Variants in NCKIPSD observed in about 807,000 individuals in gnomAD.
The protein encoded by NCKIPSD is NCK interacting protein with SH3 domain, also known as NCK-interacting protein with SH3 domain.
NCKIPSD carries 48 observed loss-of-function variants against 73.4 expected under a neutral mutation model. That is an observed-to-expected ratio of 0.65 (90% confidence interval 0.52 to 0.83). The LOEUF (loss-of-function observed/expected upper bound fraction) is 0.83. Among genes scored for constraint, NCKIPSD ranks in the 40% least tolerant of loss-of-function variants. NCKIPSD has a pLI of 0.00. For missense variants in NCKIPSD, 884 were observed against 970.2 expected (o/e 0.91, Z 1.18); for synonymous variants, 422 against 403.6 (o/e 1.05, Z -0.54).
intron 1 of NCKIPSD, among the ~76,000 whole-genome samples, chr3:48,683,859 G>A (rs2077392427): frequency 6.6e-6 from 1 of 152,124 alleles, no homozygotes. Context: ...TCCACCATGG[G>A]TTTGAGAAGC....
In NCKIPSD at chr3:48,685,837, T is replaced by G. The variant is rs1308382523; in HGVS notation, c.-30A>C. ...CCGGGCAGGGCAGGTGCAGGGAAGG[T>G]GGCAAGGGCTGCGGCGCCACAACGC... On this transcript the variant is annotated 5_prime_UTR_variant, in exon 1 of 13. Coordinates refer to ENST00000294129, the MANE Select transcript of NCKIPSD (RefSeq NM_016453.4). 7.2e-7 allele frequency: 1 copy of G among 1,390,426 alleles called. No homozygotes were observed. The highest frequency in any genetic ancestry group is 1.5e-5 in the African/African-American group (1 of 66,522). The allele number at this position is 1,390,426 out of a possible 1,614,324, so 86.1% of individuals were successfully genotyped here.
In NCKIPSD at chr3:48,682,047, C is replaced by T. The variant is rs2077362103; in HGVS notation, c.596G>A (p.Ser199Asn). The change falls in exon 4 of 13, where the codon AGT (serine) becomes AAT (asparagine). Residue 199 changes from serine (S) to asparagine (N), a missense_variant and splice_region_variant. Physicochemically the swap from Ser to Asn is conservative, Grantham distance 46 (BLOSUM62 1). Transcript: ENST00000294129. ...TTCCCCTAACCCTGCCTTCTTACCACTCCCAGAGGCCATCAGGGCCTCGCG... is the reference window on the plus strand; with the variant it reads ...TTCCCCTAACCCTGCCTTCTTACCATTCCCAGAGGCCATCAGGGCCTCGCG... The part of the protein sequence containing the change: ...RDREALMASG[S>N]GGHNTMPSGG... 1.9e-6 allele frequency: 3 copies of T among 1,600,718 alleles called. No homozygotes were observed. The highest frequency in any genetic ancestry group is 1.7e-6 in the Non-Finnish European group (2 of 1,179,764).
rs1408337079 is a variant in NCKIPSD, at chr3:48,679,054, C to T, written c.1699+1G>A. ...CACCGCCCAGCCAGGCCCCACCCCA[C>T]CTGGCAGGTGCAGGTTGAGAGCCAG... On this transcript the variant is annotated splice_donor_variant, in intron 10 of 12. Coordinates refer to ENST00000294129, the MANE Select transcript of NCKIPSD (RefSeq NM_016453.4). LOFTEE classifies it high-confidence loss of function. The T allele has an allele frequency of 1.2e-6, 2 of 1,614,074 alleles. No individual in the cohort carries two copies. Among genetic ancestry groups the T allele is most frequent in the African/African-American group, 2.7e-5 (2 of 74,918 alleles).
intron 6 of NCKIPSD, 42 bp downstream of exon 6, chr3:48,680,017 C>T (rs745482996): frequency 3.7e-6 from 6 of 1,602,670 alleles, no homozygotes; most frequent in Non-Finnish European, 5.1e-6. Context: ...GTGGGGGCCA[C>T]TGTTCCCCAT....
At position 48,681,705 on chromosome 3, in the gene NCKIPSD, G is replaced by A. The variant is rs754519346; in HGVS notation, c.674C>T (p.Thr225Met). Residue 225 changes from threonine (T) to methionine (M), a missense_variant, in exon 5 of 13, where the codon ACG becomes ATG. Transcript: ENST00000294129. Reference protein sequence around the residue: ...GSSVSSTSLDTLYTSSSPSEP... With the variant: ...GSSVSSTSLDMLYTSSSPSEP... ...AGATGGGCTGGAGCTGGTATAGAGC[G>A]TGTCCAGGGAGGTGCTGCTGACTGA... is the stretch of plus-strand genomic sequence containing the variant. 8.3e-6 allele frequency: 13 copies of A among 1,571,804 alleles called. No homozygotes were observed. Among genetic ancestry groups the A allele is most frequent in the African/African-American group, 5.4e-5 (4 of 74,200 alleles).
At chr3:48,683,766 C>T (rs933433910) in intron 1 of NCKIPSD, among the ~76,000 whole-genome samples, 1 of 152,046 alleles carries the variant, frequency 6.6e-6, no homozygotes, top group Non-Finnish European at 1.5e-5. Flanking sequence ...AGCTATCAAA[C>T]CAGCTACCCC....
Position 48,685,815 on chromosome 3 carries a change from GGCAGGGCAGGT to G in NCKIPSD, c.-19_-9del. ...GTACAGCGCGCGGTACATGAGGCCG[GGCAGGGCAGGT>G]GCAGGGAAGGTGGCAAGGGCTGCGG... is the stretch of plus-strand genomic sequence containing the variant. On this transcript the variant is annotated 5_prime_UTR_variant, in exon 1 of 13. Transcript: ENST00000294129. The G allele has an allele frequency of 4.1e-6, 6 of 1,470,234 alleles. No homozygotes were observed. Among genetic ancestry groups the G allele is most frequent in the Non-Finnish European group, 5.4e-6 (6 of 1,119,052 alleles). The allele number at this position is 1,470,234 out of a possible 1,614,324, so 91.1% of individuals were successfully genotyped here. A position where few individuals can be genotyped will look rare whatever the true frequency, so the allele number is the denominator to read the frequency against.
rs1251189095 is a variant in NCKIPSD, at chr3:48,682,350, G to A, written c.484C>T (p.Gln162Ter). The A allele has an allele frequency of 6.2e-7, 1 of 1,613,940 alleles. No individual in the cohort carries two copies. The highest frequency in any genetic ancestry group is 1.3e-5 in the African/African-American group (1 of 75,024). Residue 162 changes from glutamine to a stop codon, truncating the protein, a stop_gained and splice_region_variant, in exon 3 of 13, where the codon CAG becomes TAG. Transcript: ENST00000294129. LOFTEE classifies it high-confidence loss of function. ...EHLGADGGLY[Q>*]IPLPSSQIPP... ...TCCACGATGTCCTCCCCACACACCT[G>A]GTAGAGGCCTCCATCTGCCCCAAGA...
In NCKIPSD at chr3:48,682,377, G is replaced by A. The variant is rs761151956; in HGVS notation, c.457C>T (p.His153Tyr). The A allele has an allele frequency of 6.2e-7, 1 of 1,614,056 alleles. No homozygotes were observed. The highest frequency in any genetic ancestry group is 1.7e-5 in the Admixed American group (1 of 60,006). The change falls in exon 3 of 13, where the codon CAT (histidine) becomes TAT (tyrosine). Residue 153 changes from histidine (H) to tyrosine (Y), a missense_variant. By Grantham distance (83) the His-to-Tyr change is moderately conservative. Coordinates refer to ENST00000294129, the MANE Select transcript of NCKIPSD (RefSeq NM_016453.4). ...TAGAGGCCTCCATCTGCCCCAAGAT[G>A]CTCAGAACTGGGTAGGCTGTGCTGC... Reference protein sequence around the residue: ...ERQHSLPSSEHLGADGGLYQI... With the variant: ...ERQHSLPSSEYLGADGGLYQI...
chr3:48,677,501 A>G (rs2077273923), intron 12 of NCKIPSD, among the ~76,000 whole-genome samples: 1 of 152,084 alleles, frequency 6.6e-6, no homozygotes, highest in African/African-American at 2.4e-5. Flanking sequence ...AAAATTCACA[A>G]GAGTTGTCTC....
At chr3:48,682,807 G>C (rs555052784) in intron 2 of NCKIPSD, 96 bp downstream of exon 2, 12 of 1,476,270 alleles carry the variant, frequency 8.1e-6, no homozygotes, top group Non-Finnish European at 1.1e-5. Flanking sequence ...GCCAACCCTC[G>C]CATTTCCCAG....
At chr3:48,681,090 G>A in intron 5 of NCKIPSD, 197 bp downstream of exon 5, 1 of 803,722 alleles carries the variant, frequency 1.2e-6, no homozygotes, top group Non-Finnish European at 1.9e-6. Flanking sequence ...TGTGGCCCTT[G>A]TCCAGGCTGC....
At chr3:48,682,660 C>A (rs1474954203) in intron 2 of NCKIPSD, 108 bp from the exon 3 acceptor site, 1 of 1,283,082 alleles carries the variant, frequency 7.8e-7, no homozygotes, top group African/African-American at 1.5e-5. Flanking sequence ...CTCAGACATC[C>A]CCATCTCCTC....
rs756382738 is a variant in NCKIPSD, at chr3:48,681,455, C to A, written c.924G>T (p.Val308=). 1.2e-6 allele frequency: 2 copies of A among 1,614,140 alleles called. No homozygotes were observed. The highest frequency in any genetic ancestry group is 2.2e-5 in the South Asian group (2 of 91,086). The change falls in exon 5 of 13, where the codon GTG becomes GTT. Residue 308 remains valine, a synonymous_variant. Transcript: ENST00000294129. ...TCAGCTCGGCCCCAATGGTCCTGGG[C>A]ACAGCCGCCTCAGCTGCTGCCTTCT... ...TEEKAAAEAA[V]PRTIGAELME...
rs1352329906 is a variant in NCKIPSD at position 48,674,581 on chromosome 3, C to A, written c.2132G>T (p.Cys711Phe). ...QMDRMIVREMCKEFLVLGEAP... is the reference protein window; with the variant it reads ...QMDRMIVREMFKEFLVLGEAP... Reference sequence around the variant, plus strand: ...CTCCCCCAGCACCAGGAATTCCTTGCACATCTCTCGGACAATCATGCGGTC... The same window carrying A: ...CTCCCCCAGCACCAGGAATTCCTTGAACATCTCTCGGACAATCATGCGGTC... Residue 711 changes from cysteine (C) to phenylalanine (F), a missense_variant, in exon 13 of 13, where the codon TGC (cysteine) becomes TTC (phenylalanine). Transcript: ENST00000294129. 5.0e-6 allele frequency: 8 copies of A among 1,605,680 alleles called. No individual in the cohort carries two copies. The highest frequency in any genetic ancestry group is 6.8e-6 in the Non-Finnish European group (8 of 1,175,756).
chr3:48,677,991 ACT>A (rs1403368459), intron 12 of NCKIPSD, among the ~76,000 whole-genome samples: 2 of 151,552 alleles, frequency 1.3e-5, no homozygotes, highest in South Asian at 2.1e-4. Context: ...TCAAAACACG[ACT>A]CTCTATTTTC....
rs1249810340 is a variant in NCKIPSD at position 48,681,666 on chromosome 3, C to T, written c.713G>A (p.Ser238Asn). 2 of 1,606,016 alleles carry T rather than the reference C, an allele frequency of 1.2e-6. No homozygotes were observed. Among genetic ancestry groups the T allele is most frequent in the South Asian group, 2.2e-5 (2 of 89,646 alleles). The change falls in exon 5 of 13, where the codon AGC (serine) becomes AAC (asparagine). Residue 238 changes from serine (S) to asparagine (N), a missense_variant. Coordinates refer to ENST00000294129, the MANE Select transcript of NCKIPSD (RefSeq NM_016453.4). Reference sequence around the variant, plus strand: ...CACAGGTGGGGGTGTGGGTGAGCAGCTGGAGCCTGGTTCAGATGGGCTGGA... The same window carrying T: ...CACAGGTGGGGGTGTGGGTGAGCAGTTGGAGCCTGGTTCAGATGGGCTGGA... ...TSSSPSEPGS[S>N]CSPTPPPVPR...
intron 12 of NCKIPSD, among the ~76,000 whole-genome samples, chr3:48,675,358 A>G (rs9836462): frequency 0.21 from 31,790 of 151,154 alleles, 5,060 homozygotes; most frequent in African/African-American, 0.45. Context: ...TGTCTCCCAC[A>G]TACCTCATAT....
chr3:48,677,564 T>C (rs1293131585), intron 12 of NCKIPSD, among the ~76,000 whole-genome samples: 2 of 151,906 alleles, frequency 1.3e-5, no homozygotes, highest in Non-Finnish European at 2.9e-5. Flanking sequence ...AACTTCAAGC[T>C]CTCTCAAACT....
Sources: allele counts gnomAD v4.1 joint callset (sites outside exome capture counted in the v4.1 genomes callset), GRCh38; gene constraint gnomAD v4.1.1; transcripts MANE v1.5; gene names NCBI Gene and HGNC (gene_info 2026-07-23, HGNC 2026-07-21).